LHFPL3: variants seen among roughly 807,000 people sequenced by gnomAD.
LHFPL3 encodes LHFPL tetraspan subfamily member 3 protein.
Under a neutral mutation model 19.3 loss-of-function variants are expected in LHFPL3, and 5 were observed. That is an observed-to-expected ratio of 0.26 (90% CI 0.14 to 0.54). The LOEUF (loss-of-function observed/expected upper bound fraction) is 0.54. LHFPL3 is among the 20% of genes least tolerant of loss of function. The probability of loss-of-function intolerance (pLI) is 0.94; values close to 1 mark genes in which losing one functional copy is unlikely to be tolerated. For synonymous variants in LHFPL3, 133 were observed against 126.2 expected, an observed-to-expected ratio of 1.05 and a Z score of -0.36; for missense variants, 249 against 307.4, an observed-to-expected ratio of 0.81 and a Z score of 1.42.
intron 1 of LHFPL3, among the ~76,000 whole-genome samples, chr7:104,602,607 GAC>G (rs1790991699): frequency 6.6e-6 from 1 of 152,144 alleles, no homozygotes; most frequent in Admixed American, 6.5e-5. Flanking sequence ...AAACCTCAAG[GAC>G]ACAGAATCAA....
intron 1 of LHFPL3, among the ~76,000 whole-genome samples, chr7:104,467,081 T>TG (rs1018666019): frequency 1.2e-3 from 170 of 146,440 alleles, no homozygotes; most frequent in African/African-American, 4.0e-3. Flanking sequence ...AACAATTTAT[T>TG]TTTTACTCCT....
At chr7:104,352,718 G>T (rs1790201904) in intron 1 of LHFPL3, among the ~76,000 whole-genome samples, 1 of 152,246 alleles carries the variant, frequency 6.6e-6, no homozygotes, top group African/African-American at 2.4e-5. Flanking sequence ...AGAACAATAA[G>T]TCTGTTTCTC....
In LHFPL3 at chr7:104,822,462, T is replaced by C. The variant is rs185685536; in HGVS notation, c.683-83725T>C. Among the ~76,000 whole-genome samples the C allele has an allele frequency of 3.5e-3, 535 of 152,276 alleles. 8 individuals carry two copies. The highest frequency in any genetic ancestry group is 0.012 in the African/African-American group (508 of 41,556). ...CTATTGACATTATGGACCAGCTAAT[T>C]CTGTGGGGGATGGAGATCTGTCCTG... On this transcript the variant is annotated intron_variant, in intron 2 of 2. Coordinates refer to ENST00000424859, the MANE Select transcript of LHFPL3 (RefSeq NM_199000.3).
chr7:104,423,649 G>A (rs986788079), intron 1 of LHFPL3, among the ~76,000 whole-genome samples: 3 of 152,130 alleles, frequency 2.0e-5, no homozygotes, highest in Non-Finnish European at 4.4e-5. Context: ...GACAGAGCAA[G>A]ACCCTGTCTC....
chr7:104,400,254 A>G lies in LHFPL3; in HGVS notation c.445+71030A>G, dbSNP rs148719272. On this transcript the variant is annotated intron_variant, in intron 1 of 2. Transcript: ENST00000424859. ...CTGTAGTTCAAAGGAGAAAGAATGCATTCTCTTTTATGATGATGGACATAA... is the reference window on the plus strand; with the variant it reads ...CTGTAGTTCAAAGGAGAAAGAATGCGTTCTCTTTTATGATGATGGACATAA... Among the ~76,000 whole-genome samples the G allele has an allele frequency of 1.1e-4, 16 of 151,542 alleles. No individual in the cohort carries two copies. The East Asian group carries it at 2.9e-3, about 28-fold the overall frequency.
At chr7:104,384,616 A>C (rs1790896862) in intron 1 of LHFPL3, among the ~76,000 whole-genome samples, 1 of 151,640 alleles carries the variant, frequency 6.6e-6, no homozygotes, top group Admixed American at 6.6e-5. Flanking sequence ...GAGAAACCCC[A>C]TCTCTATTAA....
chr7:104,554,627 T>C (rs1009258565), intron 1 of LHFPL3, among the ~76,000 whole-genome samples: 1 of 145,510 alleles, frequency 6.9e-6, no homozygotes, highest in Non-Finnish European at 1.5e-5. Flanking sequence ...ACTAATAGGA[T>C]AGATTAGATA....
At chr7:104,706,097 C>T (rs1008406074) in intron 1 of LHFPL3, among the ~76,000 whole-genome samples, 3 of 152,142 alleles carry the variant, frequency 2.0e-5, no homozygotes, top group East Asian at 1.9e-4. Context: ...GCCAGGGACA[C>T]ATTCTCAGGC....
chr7:104,619,872 G>A (rs1017231262), intron 1 of LHFPL3, among the ~76,000 whole-genome samples: 3 of 152,034 alleles, frequency 2.0e-5, no homozygotes, highest in Non-Finnish European at 4.4e-5. Flanking sequence ...GGGCAGCAGG[G>A]GGCGGGAATG....
At chr7:104,862,873 G>A (rs1002302195) in intron 2 of LHFPL3, among the ~76,000 whole-genome samples, 23 of 152,230 alleles carry the variant, frequency 1.5e-4, no homozygotes, top group African/African-American at 5.3e-4. Flanking sequence ...CCGAGTCGGA[G>A]CTGGAAGAAG....
At chr7:104,341,432 T>C (rs1181421776) in intron 1 of LHFPL3, among the ~76,000 whole-genome samples, 2 of 152,242 alleles carry the variant, frequency 1.3e-5, no homozygotes, top group African/African-American at 4.8e-5. Flanking sequence ...TGATCCAAAC[T>C]ACTGGATTAA....
chr7:104,610,343 A>C (rs1481903994), intron 1 of LHFPL3, among the ~76,000 whole-genome samples: 1 of 152,114 alleles, frequency 6.6e-6, no homozygotes, highest in Non-Finnish European at 1.5e-5. Context: ...TAGAATTCTA[A>C]TCACAACTCA....
At chr7:104,339,090 A>G in intron 1 of LHFPL3, among the ~76,000 whole-genome samples, 1 of 152,140 alleles carries the variant, frequency 6.6e-6, no homozygotes, top group East Asian at 1.9e-4. Context: ...TCTACTAAAA[A>G]TACAAAAATT....
intron 1 of LHFPL3, among the ~76,000 whole-genome samples, chr7:104,336,512 A>G (rs940746582): frequency 6.6e-6 from 1 of 152,128 alleles, no homozygotes; most frequent in East Asian, 1.9e-4. Context: ...TTAAAAAAAA[A>G]AAAAGAAAAA....
At chr7:104,660,352 G>A (rs1792203467) in intron 1 of LHFPL3, among the ~76,000 whole-genome samples, 2 of 152,222 alleles carry the variant, frequency 1.3e-5, no homozygotes, top group Admixed American at 6.5e-5. Context: ...TGGTTTGTCA[G>A]CACAACCATC....
At chr7:104,621,330 C>A (rs1422220157) in intron 1 of LHFPL3, among the ~76,000 whole-genome samples, 1 of 152,226 alleles carries the variant, frequency 6.6e-6, no homozygotes, top group African/African-American at 2.4e-5. Flanking sequence ...GTTAATCACT[C>A]CAGAAACAAG....
rs1791947792 is a variant in LHFPL3 at position 104,430,392 on chromosome 7, A to ATATATATATATATG, written c.445+101180_445+101181insTGTATATATATATA. Reference sequence around the variant, plus strand: ...TGGGTATATATATATACATATATATATATATATATATACATATATATATAT... The same window carrying ATATATATATATATG: ...TGGGTATATATATATACATATATATATATATATATATATGTATATATATATACATATATATATAT... On this transcript the variant is annotated intron_variant, in intron 1 of 2. Coordinates refer to ENST00000424859, the MANE Select transcript of LHFPL3 (RefSeq NM_199000.3). Among the ~76,000 whole-genome samples the ATATATATATATATG allele has an allele frequency of 3.4e-4, 19 of 56,562 alleles. 2 individuals are homozygous for ATATATATATATATG. Among genetic ancestry groups the ATATATATATATATG allele is most frequent in the African/African-American group, 1.7e-3 (17 of 9,872 alleles). The allele number at this position is 56,562 out of a possible 152,430, so 37.1% of individuals were successfully genotyped here.
chr7:104,495,439 A>C (rs1468674785), intron 1 of LHFPL3, among the ~76,000 whole-genome samples: 1 of 152,150 alleles, frequency 6.6e-6, no homozygotes, highest in Non-Finnish European at 1.5e-5. Flanking sequence ...GCTGGAGTGC[A>C]GTGGCACAAT....
At chr7:104,719,505 A>G (rs944957696) in intron 1 of LHFPL3, among the ~76,000 whole-genome samples, 31 of 152,210 alleles carry the variant, frequency 2.0e-4, no homozygotes, top group Non-Finnish European at 2.2e-4. Flanking sequence ...ATTAATTCCC[A>G]TTCCACACAT....
Sources: gnomAD v4.1 joint callset for allele counts (sites outside exome capture counted in the v4.1 genomes callset) on GRCh38, gnomAD v4.1.1 for gene constraint, MANE v1.5 for transcripts, NCBI Gene and HGNC (gene_info 2026-07-23, HGNC 2026-07-21) for gene names.